Variants in SAMD3 observed in about 807,000 individuals in gnomAD.
SAMD3 encodes the protein sterile alpha motif domain-containing protein 3.
In SAMD3, 63 loss-of-function variants were observed where a neutral mutation model predicts 58.5. The ratio of observed to expected loss-of-function variants is 1.08; its 90% confidence interval spans 0.88 to 1.33. The LOEUF (loss-of-function observed/expected upper bound fraction) is 1.33. Among genes scored for constraint, SAMD3 ranks in the 40% most tolerant of loss-of-function variants. SAMD3 has a pLI of 0.00. For synonymous variants in SAMD3, 220 were observed against 210.3 expected (o/e 1.05, Z -0.40); for missense variants, 604 against 608.4 (o/e 0.99, Z 0.08).
intron 2 of SAMD3, among the ~76,000 whole-genome samples, chr6:130,249,988 T>C (rs1773685714): frequency 1.3e-5 from 2 of 152,118 alleles, no homozygotes; most frequent in Non-Finnish European, 2.9e-5. Flanking sequence ...CATCCAACCC[T>C]GATCAATCAC....
In SAMD3 at chr6:130,182,297, T is replaced by C. The variant is rs541516773; in HGVS notation, c.654+1806A>G. On this transcript the variant is annotated intron_variant, in intron 7 of 11. Coordinates refer to ENST00000439090, the MANE Select transcript of SAMD3 (RefSeq NM_001017373.4). The stretch of plus-strand genomic sequence containing the variant: ...TTTAGAGGAAATTCAGTTTCTTCTG[T>C]AGTGCACTTTATATGCAGCAGCATA... 2.0e-5 allele frequency among the ~76,000 whole-genome samples: 3 copies of C among 152,256 alleles called. No homozygotes were observed. In the East Asian group the frequency reaches 5.8e-4, roughly 29 times the overall value.
intron 1 of SAMD3, among the ~76,000 whole-genome samples, chr6:130,314,998 TG>T (rs1776311071): frequency 6.6e-6 from 1 of 152,220 alleles, no homozygotes; most frequent in African/African-American, 2.4e-5. Context: ...ATGACTTATT[TG>T]AATCTTAATA....
chr6:130,365,568 C>A, upstream of SAMD3: 1 of 985,354 alleles, frequency 1.0e-6, no homozygotes, highest in Non-Finnish European at 1.2e-6. Flanking sequence ...TACTGCGAGT[C>A]GGCTGGAGCT....
In SAMD3 at chr6:130,144,399, CATCT is replaced by C; in HGVS notation, c.*117_*120del. 2 of 814,506 alleles carry C rather than the reference CATCT, an allele frequency of 2.5e-6. No homozygotes were observed. The highest frequency in any genetic ancestry group is 4.0e-5 in the South Asian group (2 of 49,884). The allele number at this position is 814,506 out of a possible 1,614,324, so 50.5% of individuals were successfully genotyped here. ...GATAGAAAGCATTGAAATTCATTAG[CATCT>C]ATAAATACAAGATGATTTTCTCATA... On this transcript the variant is annotated 3_prime_UTR_variant, in exon 12 of 12. Coordinates refer to ENST00000439090, the MANE Select transcript of SAMD3 (RefSeq NM_001017373.4).
At chr6:130,353,765 G>A (rs1228607059) in intron 1 of SAMD3, among the ~76,000 whole-genome samples, 2 of 152,246 alleles carry the variant, frequency 1.3e-5, no homozygotes, top group African/African-American at 2.4e-5. Context: ...CTAAAAATCC[G>A]AGACTCACAG....
At chr6:130,194,676 C>T (rs1360828162) in intron 5 of SAMD3, among the ~76,000 whole-genome samples, 5 of 152,328 alleles carry the variant, frequency 3.3e-5, no homozygotes, top group African/African-American at 1.2e-4. Flanking sequence ...TCCTCCTAAG[C>T]CGCGTCCCAT....
intron 8 of SAMD3, chr6:130,161,966 G>A (rs763228130): frequency 7.1e-5 from 21 of 294,544 alleles, no homozygotes; most frequent in Non-Finnish European, 9.4e-5. Flanking sequence ...GCTCAAGGAG[G>A]AATCAAAGAA....
At chr6:130,354,586 T>C (rs1277753233) in intron 1 of SAMD3, among the ~76,000 whole-genome samples, 3 of 152,024 alleles carry the variant, frequency 2.0e-5, no homozygotes, top group Non-Finnish European at 2.9e-5. Context: ...GAAAACCAAA[T>C]ATCACATGTT....
chr6:130,223,684 G>C (rs1470009051), upstream of SAMD3, among the ~76,000 whole-genome samples: 1 of 152,154 alleles, frequency 6.6e-6, no homozygotes, highest in Non-Finnish European at 1.5e-5. Flanking sequence ...CTTGCAGGGC[G>C]TGCGATGGGT....
chr6:130,169,895 C>T (rs776847613), intron 8 of SAMD3, among the ~76,000 whole-genome samples: 6 of 152,014 alleles, frequency 3.9e-5, no homozygotes, highest in Admixed American at 1.3e-4. Flanking sequence ...TCATCAATTC[C>T]GTTGAATTTT....
chr6:130,264,901 G>A (rs1824811), intron 2 of SAMD3, among the ~76,000 whole-genome samples: 1 of 151,784 alleles, frequency 6.6e-6, no homozygotes, highest in African/African-American at 2.4e-5. Context: ...ACTGTAGGGC[G>A]CTGGCAAAGG....
At position 130,146,129 on chromosome 6, in the gene SAMD3, CTTG is replaced by C. The variant is rs754249362; in HGVS notation, c.1073_1075del (p.Thr358del). 8.1e-6 allele frequency: 13 copies of C among 1,600,052 alleles called. No individual in the cohort carries two copies. In the South Asian group the frequency reaches 1.4e-4, roughly 17 times the overall value. ...TTCTGAATAGGATTCCAAAATGTGC[CTTG>C]TTTTCTTATAAATATCTGTTCTTGT... On this transcript the variant is annotated inframe_deletion, in exon 10 of 12. Coordinates refer to ENST00000439090, the MANE Select transcript of SAMD3 (RefSeq NM_001017373.4).
chr6:130,265,430 G>A (rs756287979), intron 2 of SAMD3, among the ~76,000 whole-genome samples: 29 of 152,104 alleles, frequency 1.9e-4, no homozygotes, highest in Non-Finnish European at 2.6e-4. Flanking sequence ...AACTCATCAC[G>A]GGACTCATTT....
chr6:130,298,962 C>T (rs1244488474), intron 2 of SAMD3, among the ~76,000 whole-genome samples: 1 of 152,132 alleles, frequency 6.6e-6, no homozygotes, highest in Non-Finnish European at 1.5e-5. Flanking sequence ...ATTTATAAAA[C>T]AAATTCTACT....
intron 1 of SAMD3, among the ~76,000 whole-genome samples, chr6:130,347,082 G>A (rs560118238): frequency 6.1e-4 from 93 of 152,224 alleles, no homozygotes; most frequent in African/African-American, 8.7e-4. Flanking sequence ...CCATCTGTAC[G>A]TCACTATCAT....
intron 1 of SAMD3, among the ~76,000 whole-genome samples, chr6:130,354,102 G>A (rs1008811398): frequency 1.3e-5 from 2 of 152,102 alleles, no homozygotes; most frequent in Admixed American, 6.6e-5. Flanking sequence ...TTAGAGAAAT[G>A]CAAATCAAAA....
intron 5 of SAMD3, among the ~76,000 whole-genome samples, chr6:130,197,227 A>G (rs1424648431): frequency 2.0e-5 from 3 of 152,150 alleles, no homozygotes; most frequent in African/African-American, 7.2e-5. Context: ...CAGACACCAG[A>G]CCAACTTAGA....
chr6:130,337,615 T>G (rs1777141785), intron 1 of SAMD3, among the ~76,000 whole-genome samples: 1 of 152,318 alleles, frequency 6.6e-6, no homozygotes, highest in African/African-American at 2.4e-5. Flanking sequence ...AGTTTGGAAC[T>G]TCTTAGAGAC....
intron 2 of SAMD3, among the ~76,000 whole-genome samples, chr6:130,284,189 G>T (rs1775081337): frequency 6.6e-6 from 1 of 151,944 alleles, no homozygotes; most frequent in South Asian, 2.1e-4. Flanking sequence ...TAATGATAAT[G>T]GTTATTAATT....
Sources: allele counts gnomAD v4.1 joint callset (sites outside exome capture counted in the v4.1 genomes callset), GRCh38; gene constraint gnomAD v4.1.1; transcripts MANE v1.5; gene names NCBI Gene and HGNC (gene_info 2026-07-23, HGNC 2026-07-21).